Variants in CPAMD8 observed in about 807,000 individuals in gnomAD.
CPAMD8 encodes the protein C3 and PZP-like alpha-2-macroglobulin domain-containing protein 8.
CPAMD8 carries 146 observed loss-of-function variants against 224.7 expected under a neutral mutation model. The observed-to-expected ratio is 0.65, with a 90% CI of 0.57 to 0.75. The LOEUF is 0.75. Ranked by LOEUF, CPAMD8 falls within the 30% of genes least tolerant of loss-of-function variation. The pLI is 0.00. For missense variants in CPAMD8, 2,301 were observed against 2,537.5 expected (o/e 0.91, Z 2.00); for synonymous variants, 966 against 1,044.6 (o/e 0.92, Z 1.45).
At chr19:16,905,560 G>GA (rs2052440430) in intron 30 of CPAMD8, among the ~76,000 whole-genome samples, 2 of 109,478 alleles carry the variant, frequency 1.8e-5, no homozygotes, top group Admixed American at 9.5e-5. Context: ...AAAAAAAAAA[G>GA]GAAGAAAAGA....
intron 3 of CPAMD8, among the ~76,000 whole-genome samples, chr19:17,016,606 C>G (rs2056818575): frequency 6.6e-6 from 1 of 152,022 alleles, no homozygotes; most frequent in Non-Finnish European, 1.5e-5. Flanking sequence ...ATTGAAAATA[C>G]AAAAATTAGC....
In CPAMD8 at chr19:16,968,799, A is replaced by G. The variant is rs376391136; in HGVS notation, c.2213+2092T>C. ...GGACTACAGGCATGAGCCACCACAC[A>G]TGGTTAATTTTTGTATTTGTGTAGA... On this transcript the variant is annotated intron_variant, in intron 18 of 41. Coordinates refer to ENST00000443236, the MANE Select transcript of CPAMD8 (RefSeq NM_015692.5). Among the ~76,000 whole-genome samples, 247 of 151,790 alleles carry G rather than the reference A, an allele frequency of 1.6e-3. 1 individual carries two copies. The highest frequency in any genetic ancestry group is 6.8e-3 in the Middle Eastern group (2 of 294).
chr19:16,902,748 G>A lies in CPAMD8; in HGVS notation c.4586C>T (p.Ala1529Val). ...GRPPPMPASA[A>V]EGSRGDWPPA... ...GGGCCAGTCTCCTCGGGAACCCTCA[G>A]CTGCGGAGGCAGGCATGGGGGGCGG... The change falls in exon 35 of 42, where the codon GCT becomes GTT. Residue 1529 changes from alanine (A) to valine (V), a missense_variant. Ala to Val is a moderately conservative substitution (Grantham distance 64, BLOSUM62 0). Around this residue, in one of 4 missense-constraint regions of CPAMD8, gnomAD observed 1,709 missense variants for 1,753.2 expected, o/e 0.97. Coordinates refer to ENST00000443236, the MANE Select transcript of CPAMD8 (RefSeq NM_015692.5). 1 of 1,597,138 alleles carries A rather than the reference G, an allele frequency of 6.3e-7. No homozygotes were observed. Among genetic ancestry groups the A allele is most frequent in the Non-Finnish European group, 8.6e-7 (1 of 1,168,144 alleles).
intron 10 of CPAMD8, among the ~76,000 whole-genome samples, chr19:16,999,611 C>T (rs910401391): frequency 7.4e-5 from 11 of 149,486 alleles, no homozygotes; most frequent in Non-Finnish European, 3.0e-5. Context: ...GAAAAGAAAA[C>T]CATCAAGCTG....
intron 18 of CPAMD8, among the ~76,000 whole-genome samples, chr19:16,966,304 A>C (rs2054825760): frequency 6.6e-6 from 1 of 152,226 alleles, no homozygotes; most frequent in Non-Finnish European, 1.5e-5. Flanking sequence ...GAAAGCTGAA[A>C]CTGGATCCCT....
intron 29 of CPAMD8, among the ~76,000 whole-genome samples, chr19:16,913,896 A>C (rs1024689606): frequency 1.3e-5 from 2 of 152,106 alleles, no homozygotes; most frequent in African/African-American, 4.8e-5. Flanking sequence ...TCCATCGTGG[A>C]AGCCTTCTCT....
intron 12 of CPAMD8, among the ~76,000 whole-genome samples, chr19:16,993,154 C>T (rs944751069): frequency 6.6e-6 from 1 of 152,194 alleles, no homozygotes; most frequent in African/African-American, 2.4e-5. Flanking sequence ...GCTGACTTCC[C>T]CATGGTCAGG....
chr19:16,978,171 G>A (rs2055349135), intron 14 of CPAMD8, among the ~76,000 whole-genome samples: 1 of 152,160 alleles, frequency 6.6e-6, no homozygotes, highest in African/African-American at 2.4e-5. Context: ...CAGTGGACAG[G>A]GATGGTAGGG....
At chr19:16,911,552 AT>A (rs1486483273) in intron 29 of CPAMD8, among the ~76,000 whole-genome samples, 2 of 129,070 alleles carry the variant, frequency 1.5e-5, no homozygotes, top group Non-Finnish European at 3.3e-5. Context: ...TTTTTATTTT[AT>A]TTTATTTTTT....
chr19:16,937,063 G>GCCTTCCTTCCTTCCTT (rs34510069), intron 23 of CPAMD8, among the ~76,000 whole-genome samples: 1,507 of 132,142 alleles, frequency 0.011, 48 homozygotes, highest in African/African-American at 0.04. Flanking sequence ...CTTCCCTCCT[G>GCCTTCCTTCCTTCCTT]CCTTCCTTCC....
intron 41 of CPAMD8, 131 bp from the exon 42 acceptor site, chr19:16,893,470 T>C: frequency 1.6e-6 from 1 of 623,036 alleles, no homozygotes; most frequent in Non-Finnish European, 2.8e-6. Context: ...CAGGGCAGCC[T>C]CAGACCTTGA....
In CPAMD8 at chr19:16,899,547, C is replaced by T; in HGVS notation, c.4776G>A (p.Leu1592=). 6.6e-7 allele frequency: 1 copy of T among 1,518,570 alleles called. No individual in the cohort carries two copies. The highest frequency in any genetic ancestry group is 9.1e-7 in the Non-Finnish European group (1 of 1,093,138). The allele number at this position is 1,518,570 out of a possible 1,614,324, so 94.1% of individuals were successfully genotyped here. ...FRADIESLEQ[L]LLDKHMGMKR... ...TCATCCCCATGTGCTTGTCAAGGAGCAGCTGCAGAGGAAGCCAGAAGTCAG... is the reference window on the plus strand; with the variant it reads ...TCATCCCCATGTGCTTGTCAAGGAGTAGCTGCAGAGGAAGCCAGAAGTCAG... The change falls in exon 37 of 42, where the codon CTG becomes CTA. Residue 1592 remains leucine, a splice_region_variant and synonymous_variant. Coordinates refer to ENST00000443236, the MANE Select transcript of CPAMD8 (RefSeq NM_015692.5). The surrounding 1 kb of genome is among the most constrained non-coding windows in gnomAD (Gnocchi z 5.4).
chr19:16,976,038 G>GT lies in CPAMD8; in HGVS notation c.1871dup (p.Tyr624Ter). 2.5e-6 allele frequency: 4 copies of GT among 1,608,978 alleles called. No individual in the cohort carries two copies. Among genetic ancestry groups the GT allele is most frequent in the Non-Finnish European group, 3.4e-6 (4 of 1,177,678 alleles). The change falls in exon 16 of 42, where the codon TAC becomes TAAC. Residue 624 changes from tyrosine (Y) to a stop codon, truncating the protein, a stop_gained and frameshift_variant. Transcript: ENST00000443236. LOFTEE classifies it high-confidence loss of function. ...VCVAAVDKSV[Y>*]LLRSGFRLTP... ...TCAGCCGGAACCCAGACCTGAGCAG[G>GT]TAGACACTCTTATCAACTGCGGCGA... is the stretch of plus-strand genomic sequence containing the variant.
intron 18 of CPAMD8, among the ~76,000 whole-genome samples, chr19:16,961,642 G>A (rs2122519886): frequency 6.6e-6 from 1 of 152,374 alleles, no homozygotes; most frequent in East Asian, 1.9e-4. Flanking sequence ...GTCCCTGTCT[G>A]ACAGCTCTGA....
rs947456772 is a variant in CPAMD8 at position 17,022,179 on chromosome 19, C to A, written c.95G>T (p.Gly32Val). 17 of 1,609,464 alleles carry A rather than the reference C, an allele frequency of 1.1e-5. No homozygotes were observed. Among genetic ancestry groups the A allele is most frequent in the African/African-American group, 1.3e-5 (1 of 74,760 alleles). Residue 32 changes from glycine to valine, a missense_variant and splice_region_variant, in exon 2 of 42, where the codon GGT becomes GTT. This residue lies in a region of CPAMD8 where 283 missense variants were observed against 340.6 expected (regional missense o/e 0.83). Coordinates refer to ENST00000443236, the MANE Select transcript of CPAMD8 (RefSeq NM_015692.5). ...GVRAAQPQAP[G>V]YLIAAPSVFR... ...AACAGAGGGAGCTGCAATCAAGTAA[C>A]CCCTGCAGGAAAGGAGATCCGAGGT...
chr19:16,999,529 G>A (rs1423465882), intron 10 of CPAMD8, among the ~76,000 whole-genome samples: 2 of 149,418 alleles, frequency 1.3e-5, no homozygotes, highest in Non-Finnish European at 3.0e-5. Flanking sequence ...AGCTTGCAGT[G>A]AGCCGAGATC....
At chr19:16,905,263 A>G (rs1448285116) in intron 30 of CPAMD8, among the ~76,000 whole-genome samples, 1 of 150,738 alleles carries the variant, frequency 6.6e-6, no homozygotes, top group Non-Finnish European at 1.5e-5. Flanking sequence ...AAATAAATAC[A>G]TAAATAAAAA....
chr19:17,004,512 C>T (rs2056429543), intron 7 of CPAMD8, 126 bp from the exon 8 acceptor site: 1 of 631,582 alleles, frequency 1.6e-6, no homozygotes, highest in Non-Finnish European at 2.8e-6. Flanking sequence ...CTGGAGACCA[C>T]AGAGAAGCTG....
chr19:16,980,447 C>A, intron 14 of CPAMD8, 50 bp downstream of exon 14: 2 of 1,568,610 alleles, frequency 1.3e-6, no homozygotes, highest in Non-Finnish European at 1.7e-6. Context: ...ATCTCAGTCT[C>A]AATTGTTCAG....
Sources: gnomAD v4.1 joint callset for allele counts (sites outside exome capture counted in the v4.1 genomes callset) on GRCh38, gnomAD v4.1.1 for gene constraint, gnomAD v4.1.1 regional missense constraint, Gnocchi (gnomAD v3.1) non-coding constraint, MANE v1.5 for transcripts, NCBI Gene and HGNC (gene_info 2026-07-23, HGNC 2026-07-21) for gene names.